The following COPS2 variants were observed in gnomAD, a reference collection of about 807,000 sequenced individuals.
COPS2 encodes COP9 signalosome complex subunit 2.
Under a neutral mutation model 66.1 loss-of-function variants are expected in COPS2, and 10 were observed. The observed-to-expected ratio is 0.15, with a 90% CI of 0.09 to 0.26. COPS2 has a LOEUF of 0.26. Ranked by LOEUF, COPS2 falls within the 10% of genes least tolerant of loss-of-function variation. The pLI, the probability that COPS2 is intolerant of heterozygous loss-of-function variation, is 1.00. For missense variants in COPS2, 215 were observed against 513.3 expected, an observed-to-expected ratio of 0.42 and a Z score of 5.62; for synonymous variants, 179 against 171.3, an observed-to-expected ratio of 1.04 and a Z score of -0.35.
At chr15:49,134,166 G>C in intron 7 of COPS2, 58 bp from the exon 8 acceptor site, 1 of 1,484,444 alleles carries the variant, frequency 6.7e-7, no homozygotes, top group Non-Finnish European at 9.2e-7. Flanking sequence ...TAACAAAACT[G>C]ACCACCTCAT....
chr15:49,124,966 A>G lies in COPS2; in HGVS notation c.*2984T>C, dbSNP rs1461797797. 2.0e-5 allele frequency: 3 copies of G among 152,190 alleles called. No homozygotes were observed. The highest frequency in any genetic ancestry group is 1.9e-4 in the East Asian group (1 of 5,204). 9.4% of individuals were successfully genotyped at this position (152,190 alleles called of 1,614,324 possible). ...TGACACTGACACCACAAAAGCATAC[A>G]TACCTGTGTTTACTGAAGAACTGTA... On this transcript the variant is annotated 3_prime_UTR_variant, in exon 13 of 13. Transcript: ENST00000388901.
intron 1 of COPS2, among the ~76,000 whole-genome samples, chr15:49,154,192 G>T (rs1023969101): frequency 6.6e-6 from 1 of 151,792 alleles, no homozygotes; most frequent in African/African-American, 2.4e-5. Flanking sequence ...ACATATAAAA[G>T]AAACATTTTG....
intron 6 of COPS2, 89 bp downstream of exon 6, chr15:49,137,061 C>T: frequency 1.3e-6 from 1 of 750,306 alleles, no homozygotes; most frequent in Non-Finnish European, 2.1e-6. Flanking sequence ...TAAACTAAAA[C>T]ATCCCTAAAC....
At chr15:49,144,793 A>T (rs1459473043) in intron 2 of COPS2, among the ~76,000 whole-genome samples, 172 bp downstream of exon 2, 1 of 152,222 alleles carries the variant, frequency 6.6e-6, no homozygotes, top group Non-Finnish European at 1.5e-5. Context: ...CTTGATTGGA[A>T]AAAACATCAG....
chr15:49,131,646 C>T (rs1316956567), intron 9 of COPS2, among the ~76,000 whole-genome samples: 1 of 152,004 alleles, frequency 6.6e-6, no homozygotes, highest in African/African-American at 2.4e-5. Context: ...TTATTTTCCT[C>T]TAGTCTCCTG....
intron 1 of COPS2, among the ~76,000 whole-genome samples, chr15:49,147,621 T>C (rs1248640361): frequency 6.6e-6 from 1 of 151,892 alleles, no homozygotes; most frequent in Non-Finnish European, 1.5e-5. Flanking sequence ...ACACAGTGTC[T>C]TGTCATTCAG....
In COPS2 at chr15:49,124,987, C is replaced by G. The variant is rs548300363; in HGVS notation, c.*2963G>C. On this transcript the variant is annotated 3_prime_UTR_variant, in exon 13 of 13. Coordinates refer to ENST00000388901, the MANE Select transcript of COPS2 (RefSeq NM_004236.4). ...ATACATACCTGTGTTTACTGAAGAA[C>G]TGTAACTATTGATTAAAAAAGAAAA... 3 of 152,232 alleles carry G rather than the reference C, an allele frequency of 2.0e-5. No individual in the cohort carries two copies. In the East Asian group the frequency reaches 5.8e-4, roughly 29 times the overall value. The allele number at this position is 152,232 out of a possible 1,614,324, so 9.4% of individuals were successfully genotyped here. A position where few individuals can be genotyped will look rare whatever the true frequency, so the allele number is the denominator to read the frequency against.
intron 4 of COPS2, 130 bp from the exon 5 acceptor site, chr15:49,137,567 TGTC>T: frequency 4.6e-6 from 3 of 652,570 alleles, no homozygotes; most frequent in South Asian, 4.0e-5. Context: ...TGTATCTTAC[TGTC>T]TTCTACAGTC....
At chr15:49,138,973 A>T (rs1207146219) in intron 4 of COPS2, among the ~76,000 whole-genome samples, 1 of 152,202 alleles carries the variant, frequency 6.6e-6, no homozygotes, top group Non-Finnish European at 1.5e-5. Flanking sequence ...TTTCTTAATA[A>T]CCAAAATCTA....
At chr15:49,134,560 G>A (rs1470050598) in intron 6 of COPS2, 46 bp from the exon 7 acceptor site, 13 of 1,421,364 alleles carry the variant, frequency 9.1e-6, no homozygotes, top group Non-Finnish European at 1.3e-5. Flanking sequence ...AATTCAGACA[G>A]TAATTCTTAT....
rs2084149285 is a variant in COPS2, at chr15:49,124,487, A to T, written c.*3463T>A. ...ATGAAAACTAAAAGAAAACCTCCAGAAAAAGAAAAAAAGAGGAAAATTTTA... is the reference window on the plus strand; with the variant it reads ...ATGAAAACTAAAAGAAAACCTCCAGTAAAAGAAAAAAAGAGGAAAATTTTA... On this transcript the variant is annotated 3_prime_UTR_variant, in exon 13 of 13. Transcript: ENST00000388901. The T allele has an allele frequency of 6.6e-6, 1 of 152,118 alleles. No individual in the cohort carries two copies. The allele number at this position is 152,118 out of a possible 1,614,324, so 9.4% of individuals were successfully genotyped here.
chr15:49,154,638 G>A (rs1011226677), intron 1 of COPS2, among the ~76,000 whole-genome samples: 5 of 152,158 alleles, frequency 3.3e-5, no homozygotes, highest in African/African-American at 1.2e-4. Flanking sequence ...CAAAATTGAC[G>A]TTAATTCTGG....
intron 9 of COPS2, 133 bp downstream of exon 9, chr15:49,133,626 A>C: frequency 1.6e-6 from 1 of 609,422 alleles, no homozygotes; most frequent in Non-Finnish European, 2.8e-6. Context: ...GAAGATAAAA[A>C]TTCTACAAAC....
intron 1 of COPS2, among the ~76,000 whole-genome samples, chr15:49,148,172 C>T (rs2084334324): frequency 6.6e-6 from 1 of 152,142 alleles, no homozygotes; most frequent in Admixed American, 6.5e-5. Flanking sequence ...ACTATTTATA[C>T]TCAAAAATCA....
chr15:49,142,942 G>A (rs574716464), intron 3 of COPS2, among the ~76,000 whole-genome samples: 2 of 152,100 alleles, frequency 1.3e-5, no homozygotes, highest in East Asian at 1.9e-4. Context: ...GTGGGGTGAA[G>A]AGGAGCAATA....
At position 49,137,146 on chromosome 15, in the gene COPS2, C is replaced by T. The variant is rs373666733; in HGVS notation, c.540+4G>A. On this transcript the variant is annotated splice_donor_region_variant and intron_variant, in intron 6 of 12. Coordinates refer to ENST00000388901, the MANE Select transcript of COPS2 (RefSeq NM_004236.4). ...ATATTCAGAAAAAAATAAGGGAAAGCTACCTGGCACGACTGATGTAACTGG... is the reference window on the plus strand; with the variant it reads ...ATATTCAGAAAAAAATAAGGGAAAGTTACCTGGCACGACTGATGTAACTGG... 1.2e-5 allele frequency: 18 copies of T among 1,560,042 alleles called. No homozygotes were observed. Among genetic ancestry groups the T allele is most frequent in the Middle Eastern group, 3.5e-4 (2 of 5,756 alleles).
chr15:49,126,833 T>A lies in COPS2; in HGVS notation c.*1117A>T, dbSNP rs2084170854. 6.6e-6 allele frequency: 1 copy of A among 152,130 alleles called. No homozygotes were observed. Among genetic ancestry groups the A allele is most frequent in the South Asian group, 2.1e-4 (1 of 4,834 alleles). 9.4% of individuals were successfully genotyped at this position (152,130 alleles called of 1,614,324 possible). ...TCATTTGGTGCCAAGTAATGGTAAC[T>A]AAAAATAATCAAGCTTCCTAATACT... is the stretch of plus-strand genomic sequence containing the variant. On this transcript the variant is annotated 3_prime_UTR_variant, in exon 13 of 13. Coordinates refer to ENST00000388901, the MANE Select transcript of COPS2 (RefSeq NM_004236.4).
chr15:49,152,908 C>G (rs1225802662), intron 1 of COPS2, among the ~76,000 whole-genome samples: 3 of 152,070 alleles, frequency 2.0e-5, no homozygotes, highest in Non-Finnish European at 4.4e-5. Context: ...AAAATATGAC[C>G]AAGTTAAAAC....
chr15:49,153,188 G>A (rs1367784567), intron 1 of COPS2, among the ~76,000 whole-genome samples: 1 of 152,196 alleles, frequency 6.6e-6, no homozygotes, highest in Non-Finnish European at 1.5e-5. Context: ...CTACTTAAGA[G>A]GCTGAGGCGG....
Sources: gnomAD v4.1 joint callset for allele counts (sites outside exome capture counted in the v4.1 genomes callset) on GRCh38, gnomAD v4.1.1 for gene constraint, MANE v1.5 for transcripts, NCBI Gene and HGNC (gene_info 2026-07-23, HGNC 2026-07-21) for gene names.